ADGRG6: variants seen among roughly 807,000 people sequenced by gnomAD.
ADGRG6 encodes the protein G-protein coupled receptor 126.
A neutral mutation model predicts 142.4 loss-of-function variants in ADGRG6; 84 were observed. That is an observed-to-expected ratio of 0.59 (90% CI 0.49 to 0.71). The LOEUF is 0.71. ADGRG6 is among the 30% of genes least tolerant of loss of function. The pLI, the probability that ADGRG6 is intolerant of heterozygous loss-of-function variation, is 0.00. For synonymous variants in ADGRG6, 521 were observed against 520.5 expected, an observed-to-expected ratio of 1.00 and a Z score of -0.01; for missense variants, 1,367 against 1,466.6, an observed-to-expected ratio of 0.93 and a Z score of 1.11.
At chr6:142,340,798 T>C (rs1779585746) in intron 2 of ADGRG6, among the ~76,000 whole-genome samples, 2 of 152,096 alleles carry the variant, frequency 1.3e-5, no homozygotes, top group East Asian at 3.9e-4. Context: ...TTAGAACATG[T>C]ATTTGATGTC....
chr6:142,397,782 G>C, intron 10 of ADGRG6, 27 bp downstream of exon 10: 1 of 1,426,214 alleles, frequency 7.0e-7, no homozygotes, highest in South Asian at 1.4e-5. Flanking sequence ...TTTATAATAT[G>C]CATTTTATAC....
At chr6:142,338,814 CT>C (rs1779477666) in intron 2 of ADGRG6, among the ~76,000 whole-genome samples, 1 of 152,012 alleles carries the variant, frequency 6.6e-6, no homozygotes, top group Non-Finnish European at 1.5e-5. Context: ...GCCTATATGT[CT>C]TCTAGTCATT....
intron 2 of ADGRG6, among the ~76,000 whole-genome samples, chr6:142,348,516 A>G (rs1390858035): frequency 6.6e-6 from 1 of 152,188 alleles, no homozygotes; most frequent in Non-Finnish European, 1.5e-5. Flanking sequence ...TCATTTGGAA[A>G]TATCTGCTGC....
chr6:142,316,428 T>C (rs1778072426), intron 2 of ADGRG6, among the ~76,000 whole-genome samples: 1 of 152,156 alleles, frequency 6.6e-6, no homozygotes, highest in Admixed American at 6.6e-5. Flanking sequence ...AAAATGCTCA[T>C]AATTTTTGCA....
chr6:142,382,134 C>A, intron 5 of ADGRG6, 115 bp downstream of exon 5: 1 of 662,542 alleles, frequency 1.5e-6, no homozygotes. Flanking sequence ...AGCCAGAAAA[C>A]AGCAAAACAG....
In ADGRG6 at chr6:142,345,990, C is replaced by G. The variant is rs764745587; in HGVS notation, c.104-21579C>G. 4.3e-4 allele frequency among the ~76,000 whole-genome samples: 66 copies of G among 152,264 alleles called. 1 individual carries two copies. Among genetic ancestry groups the G allele is most frequent in the Middle Eastern group, 6.8e-3 (2 of 294 alleles). ...TGCATTTTTAAGGGTTGTTTGAGGT[C>G]CCTTCCTTATGTTCACTTTAGTAAT... On this transcript the variant is annotated intron_variant, in intron 2 of 24. Transcript: ENST00000367609.
intron 11 of ADGRG6, 148 bp downstream of exon 11, chr6:142,400,744 G>A (rs2115012078): frequency 1.7e-6 from 1 of 572,114 alleles, no homozygotes. Context: ...CACTCCTGGG[G>A]AATAAAGATA....
chr6:142,326,513 CT>C (rs796807185), intron 2 of ADGRG6, among the ~76,000 whole-genome samples: 188 of 138,952 alleles, frequency 1.4e-3, no homozygotes, highest in East Asian at 1.7e-3. Flanking sequence ...AGACTCTTGG[CT>C]TTTTTTTTTT....
intron 2 of ADGRG6, among the ~76,000 whole-genome samples, chr6:142,324,387 C>T (rs1582982361): frequency 6.6e-6 from 1 of 152,078 alleles, no homozygotes; most frequent in East Asian, 1.9e-4. Context: ...GCTATTTCCA[C>T]TACTTCCTTA....
rs926094055 is a variant in ADGRG6, at chr6:142,417,289, G to C, written c.2955G>C (p.Val985=). The change falls in exon 21 of 25, where the codon GTG becomes GTC. Residue 985 remains valine (V), a synonymous_variant. Transcript: ENST00000367609. The part of the protein sequence containing the change: ...CIIGWGLPAL[V]VSVVLASRNN... ...TTGTAACAGGTTTGCCTGCCTTAGT[G>C]GTGTCAGTTGTTCTAGCGAGCAGAA... 6.3e-7 allele frequency: 1 copy of C among 1,596,464 alleles called. No individual in the cohort carries two copies. Among genetic ancestry groups the C allele is most frequent in the Admixed American group, 1.7e-5 (1 of 59,578 alleles).
intron 2 of ADGRG6, among the ~76,000 whole-genome samples, chr6:142,345,952 CG>C (rs1346150977): frequency 3.3e-5 from 5 of 152,162 alleles, no homozygotes; most frequent in Non-Finnish European, 7.4e-5. Flanking sequence ...TAGATGACTT[CG>C]ATTTGCGAGT....
At position 142,370,571 on chromosome 6, in the gene ADGRG6, A is replaced by G; in HGVS notation, c.847A>G (p.Lys283Glu). The G allele has an allele frequency of 2.5e-6, 4 of 1,612,580 alleles. No homozygotes were observed. Among genetic ancestry groups the G allele is most frequent in the Non-Finnish European group, 3.4e-6 (4 of 1,178,738 alleles). Residue 283 changes from lysine (K) to glutamate (E), a missense_variant, in exon 4 of 25, where the codon AAA becomes GAA. By Grantham distance (56) the Lys-to-Glu change is moderately conservative. Transcript: ENST00000367609. ...AGTTCCATGTGATTCTACCATTAGT[A>G]AAGTTATTCCTGGGAATGGGAAATT... ...ETVPCDSTISKVIPGNGKLLL... is the reference protein window; with the variant it reads ...ETVPCDSTISEVIPGNGKLLL...
At chr6:142,373,561 C>T (rs954896374) in intron 4 of ADGRG6, among the ~76,000 whole-genome samples, 2 of 152,168 alleles carry the variant, frequency 1.3e-5, no homozygotes, top group African/African-American at 4.8e-5. Context: ...TGTTTAGAGA[C>T]GGGGTTTCAC....
Position 142,444,915 on chromosome 6 carries a change from G to A in ADGRG6, c.*1400G>A, listed in dbSNP as rs916656044. 5 of 152,186 alleles carry A rather than the reference G, an allele frequency of 3.3e-5. No homozygotes were observed. The highest frequency in any genetic ancestry group is 9.7e-5 in the African/African-American group (4 of 41,450). 9.4% of individuals were successfully genotyped at this position (152,186 alleles called of 1,614,324 possible). A position where few individuals can be genotyped will look rare whatever the true frequency, so the allele number is the denominator to read the frequency against. On this transcript the variant is annotated 3_prime_UTR_variant, in exon 25 of 25. Transcript: ENST00000367609. ...AGGTTCTGGGAGGCAACAGCATTAAGTGATAAGAAAAGGAGACATTCTGGC... is the reference window on the plus strand; with the variant it reads ...AGGTTCTGGGAGGCAACAGCATTAAATGATAAGAAAAGGAGACATTCTGGC...
intron 4 of ADGRG6, among the ~76,000 whole-genome samples, chr6:142,372,571 T>C (rs1378569034): frequency 1.3e-5 from 2 of 152,200 alleles, no homozygotes; most frequent in Non-Finnish European, 2.9e-5. Context: ...GATATTTCCT[T>C]GCAGGATGTT....
chr6:142,433,616 C>G (rs943976126), intron 22 of ADGRG6, among the ~76,000 whole-genome samples: 1 of 152,200 alleles, frequency 6.6e-6, no homozygotes, highest in African/African-American at 2.4e-5. Flanking sequence ...TTGTAATGCC[C>G]TGACACAGGC....
At chr6:142,393,828 C>A in intron 8 of ADGRG6, 68 bp from the exon 9 acceptor site, 1 of 960,422 alleles carries the variant, frequency 1.0e-6, no homozygotes, top group Non-Finnish European at 1.6e-6. Flanking sequence ...ATTTCAGGTC[C>A]CCAAATTTTA....
chr6:142,338,008 TG>T (rs1779404672), intron 2 of ADGRG6, among the ~76,000 whole-genome samples: 3 of 100,080 alleles, frequency 3.0e-5, no homozygotes, highest in Admixed American at 1.2e-4. Flanking sequence ...TTTTATGCCT[TG>T]TATCTTTGTT....
At chr6:142,426,990 C>T (rs541017260) in intron 22 of ADGRG6, among the ~76,000 whole-genome samples, 1 of 152,260 alleles carries the variant, frequency 6.6e-6, no homozygotes, top group Middle Eastern at 3.4e-3. Context: ...CCACTTTTTC[C>T]TCCTAGGCCT....
Sources: gnomAD v4.1 joint callset for allele counts (sites outside exome capture counted in the v4.1 genomes callset) on GRCh38, gnomAD v4.1.1 for gene constraint, MANE v1.5 for transcripts, NCBI Gene and HGNC (gene_info 2026-07-23, HGNC 2026-07-21) for gene names.